The following BBS1 variants were observed in gnomAD, a reference collection of about 807,000 sequenced individuals.
BBS1 encodes Bardet-Biedl syndrome 1, also known as BBSome complex member BBS1.
Under a neutral mutation model 73.9 loss-of-function variants are expected in BBS1, and 60 were observed. That is an observed-to-expected ratio of 0.81 (90% confidence interval 0.66 to 1.01). BBS1 has a LOEUF of 1.01. Among genes scored for constraint, BBS1 ranks in the 50% least tolerant of loss-of-function variants. The pLI is 0.00. For missense variants in BBS1, 718 were observed against 770.3 expected (o/e 0.93, Z 0.80); for synonymous variants, 283 against 317.4 (o/e 0.89, Z 1.15).
chr11:66,526,273 G>A, intron 12 of BBS1, 81 bp downstream of exon 12: 2 of 1,409,198 alleles, frequency 1.4e-6, no homozygotes, highest in African/African-American at 1.4e-5. Flanking sequence ...AGGAGGAGGT[G>A]GAAATGAAGC....
In BBS1 at chr11:66,529,880, C is replaced by G; in HGVS notation, c.1401C>G (p.Tyr467Ter). 2 of 1,609,796 alleles carry G rather than the reference C, an allele frequency of 1.2e-6. No individual in the cohort carries two copies. Among genetic ancestry groups the G allele is most frequent in the Non-Finnish European group, 1.7e-6 (2 of 1,179,978 alleles). The change falls in exon 14 of 17, where the codon TAC becomes TAG. Residue 467 changes from tyrosine (Y) to a stop codon, truncating the protein, a stop_gained. Transcript: ENST00000318312. LOFTEE classifies it high-confidence loss of function. Reference sequence around the variant, plus strand: ...TGCGCCTACGTGCTGCCCGCGCCTACCTGCAGGCCCTCGAGTCCAGCCTGA... The same window carrying G: ...TGCGCCTACGTGCTGCCCGCGCCTAGCTGCAGGCCCTCGAGTCCAGCCTGA... ...YLLRLRAARA[Y>*]LQALESSLSP...
At chr11:66,518,927 T>G (rs1856117823) in intron 7 of BBS1, among the ~76,000 whole-genome samples, 1 of 152,104 alleles carries the variant, frequency 6.6e-6, no homozygotes, top group African/African-American at 2.4e-5. Context: ...CTGGCTGATT[T>G]TTTATTTTTA....
At position 66,526,642 on chromosome 11, in the gene BBS1, TC is replaced by T; in HGVS notation, c.1181-4del. ...GACAAATCCATTTCCACTGTCCACTTCCCTAGGTGGTGGCCTGATCATCAAG... is the reference window on the plus strand; with the variant it reads ...GACAAATCCATTTCCACTGTCCACTTCCTAGGTGGTGGCCTGATCATCAAG... On this transcript the variant is annotated splice_polypyrimidine_tract_variant and splice_region_variant and intron_variant, in intron 12 of 16. Coordinates refer to ENST00000318312, the MANE Select transcript of BBS1 (RefSeq NM_024649.5). The T allele has an allele frequency of 1.9e-6, 3 of 1,614,190 alleles. No individual in the cohort carries two copies. The highest frequency in any genetic ancestry group is 2.5e-6 in the Non-Finnish European group (3 of 1,180,030).
intron 13 of BBS1, chr11:66,527,587 T>C (rs1267599562): frequency 6.8e-6 from 1 of 147,900 alleles, no homozygotes; most frequent in Non-Finnish European, 1.4e-5. Context: ...AAGAATCGCT[T>C]AAACCCAGGA....
At chr11:66,519,142 T>C (rs1449159267) in intron 7 of BBS1, among the ~76,000 whole-genome samples, 1 of 152,132 alleles carries the variant, frequency 6.6e-6, no homozygotes, top group Non-Finnish European at 1.5e-5. Flanking sequence ...CCCAGCACTT[T>C]AGGGGGCTGA....
At position 66,523,454 on chromosome 11, in the gene BBS1, A is replaced by G. The variant is rs1057517332; in HGVS notation, c.831-2A>G. On this transcript the variant is annotated splice_acceptor_variant, in intron 9 of 16. Transcript: ENST00000318312. LOFTEE classifies it high-confidence loss of function. Reference sequence around the variant, plus strand: ...CCAGACAGTGTGTTGTTTATTCCACAGAGACTCCAAGCACCCCAAGTACTG... The same window carrying G: ...CCAGACAGTGTGTTGTTTATTCCACGGAGACTCCAAGCACCCCAAGTACTG... 4 of 1,614,162 alleles carry G rather than the reference A, an allele frequency of 2.5e-6. No individual in the cohort carries two copies. Among genetic ancestry groups the G allele is most frequent in the Non-Finnish European group, 3.4e-6 (4 of 1,180,012 alleles).
intron 3 of BBS1, among the ~76,000 whole-genome samples, chr11:66,511,995 C>CAAA (rs796283982): frequency 1.6e-4 from 20 of 121,982 alleles, no homozygotes; most frequent in African/African-American, 5.9e-4. Context: ...GAGACAGTTT[C>CAAA]AAAAAAAAAT....
chr11:66,510,921 T>G, intron 1 of BBS1, 92 bp from the exon 2 acceptor site: 1 of 1,471,042 alleles, frequency 6.8e-7, no homozygotes, highest in South Asian at 1.1e-5. Context: ...GTTCTGTACC[T>G]TATGTTCAGA....
chr11:66,532,210 G>T lies in BBS1; in HGVS notation c.*173G>T. The T allele has an allele frequency of 1.4e-6, 1 of 693,656 alleles. No individual in the cohort carries two copies. The highest frequency in any genetic ancestry group is 2.4e-6 in the Non-Finnish European group (1 of 416,556). The allele number at this position is 693,656 out of a possible 1,614,324, so 43.0% of individuals were successfully genotyped here. On this transcript the variant is annotated 3_prime_UTR_variant, in exon 17 of 17. Transcript: ENST00000318312. The stretch of plus-strand genomic sequence containing the variant: ...CTGTTGGGCCTATAGTAGCAGGTTA[G>T]TGAGTACCTAGGGCGGCTCAACTCC...
chr11:66,524,269 G>A, intron 11 of BBS1: 2 of 323,880 alleles, frequency 6.2e-6, no homozygotes, highest in Non-Finnish European at 1.2e-5. Context: ...AACAGAGCGA[G>A]ACTCCATCTT....
At chr11:66,524,371 C>T (rs1444645408) in intron 11 of BBS1, 2 of 253,302 alleles carry the variant, frequency 7.9e-6, no homozygotes, top group Non-Finnish European at 1.6e-5. Flanking sequence ...TCCTTGTTTT[C>T]AGGAGGCTTA....
intron 13 of BBS1, chr11:66,527,142 G>T: frequency 3.5e-6 from 3 of 845,144 alleles, no homozygotes; most frequent in Non-Finnish European, 5.7e-6. Flanking sequence ...TTTGGCAGAG[G>T]TGGGAGGACA....
Position 66,526,327 on chromosome 11 carries a change from C to T in BBS1, c.1180+135C>T, listed in dbSNP as rs372998849. 8.7e-5 allele frequency: 80 copies of T among 918,970 alleles called. No individual in the cohort carries two copies. In the African/African-American group the frequency reaches 1.1e-3, roughly 13 times the overall value. 56.9% of individuals were successfully genotyped at this position (918,970 alleles called of 1,614,324 possible). On this transcript the variant is annotated intron_variant, in intron 12 of 16. Transcript: ENST00000318312. ...GGAAAGTAAGGCCTACAGAAGTGTC[C>T]TTCTGGAGCTAGGCCTCCACTGGGA...
rs374706769 is a variant in BBS1, at chr11:66,529,918, C to A, written c.1439C>A (p.Thr480Lys). The change falls in exon 14 of 17, where the codon ACG (threonine) becomes AAG (lysine). Residue 480 changes from threonine to lysine, a missense_variant. Transcript: ENST00000318312. ...ALESSLSPLS[T>K]TAREPLKLHA... ...GAGTCCAGCCTGAGCCCCCTGTCCA[C>A]GACAGCCCGAGAGCCACTCAAGCTG... 7.5e-6 allele frequency: 12 copies of A among 1,605,562 alleles called. No individual in the cohort carries two copies. In the Admixed American group the frequency reaches 1.8e-4, roughly 25 times the overall value.
chr11:66,516,091 G>A (rs774179548), intron 7 of BBS1, among the ~76,000 whole-genome samples, 158 bp downstream of exon 7: 9 of 149,212 alleles, frequency 6.0e-5, no homozygotes, highest in Non-Finnish European at 1.0e-4. Flanking sequence ...TAAAGCTGCA[G>A]TGACTTCCAC....
At position 66,530,974 on chromosome 11, in the gene BBS1, G is replaced by T. The variant is rs760568652; in HGVS notation, c.1554G>T (p.Leu518=). 5 of 1,614,090 alleles carry T rather than the reference G, an allele frequency of 3.1e-6. No homozygotes were observed. Among genetic ancestry groups the T allele is most frequent in the Non-Finnish European group, 1.7e-6 (2 of 1,180,050 alleles). Reference sequence around the variant, plus strand: ...CAACCCGTCCTGTCCTGGGGCTGCTGGTCTGCTTCCTGTACAACGAGGCGC... The same window carrying T: ...CAACCCGTCCTGTCCTGGGGCTGCTTGTCTGCTTCCTGTACAACGAGGCGC... The part of the protein sequence containing the change: ...TSTTRPVLGL[L]VCFLYNEALY... Residue 518 remains leucine (L), a synonymous_variant, in exon 15 of 17, where the codon CTG becomes CTT. Transcript: ENST00000318312.
intron 1 of BBS1, 98 bp from the exon 2 acceptor site, chr11:66,510,915 T>A (rs1483162842): frequency 2.1e-6 from 3 of 1,454,232 alleles, no homozygotes; most frequent in Non-Finnish European, 9.7e-7. Flanking sequence ...CCAGACGTTC[T>A]GTACCTTATG....
intron 14 of BBS1, among the ~76,000 whole-genome samples, chr11:66,530,629 G>C (rs1024184575): frequency 6.6e-6 from 1 of 152,168 alleles, no homozygotes; most frequent in African/African-American, 2.4e-5. Context: ...GGCAGGGGGT[G>C]GGGGTGAGGG....
At chr11:66,523,626 C>T (rs1254280996) in intron 10 of BBS1, 50 bp downstream of exon 10, 11 of 1,613,176 alleles carry the variant, frequency 6.8e-6, no homozygotes, top group Non-Finnish European at 9.3e-6. Context: ...TCCCTAGCCC[C>T]CACTTGGCAA....
Sources: allele counts gnomAD v4.1 joint callset (sites outside exome capture counted in the v4.1 genomes callset), GRCh38; gene constraint gnomAD v4.1.1; transcripts MANE v1.5; gene names NCBI Gene and HGNC (gene_info 2026-07-23, HGNC 2026-07-21).